Variants in MAGI2 observed in about 807,000 individuals in gnomAD.
MAGI2 encodes membrane-associated guanylate kinase, WW and PDZ domain-containing protein 2.
Under a neutral mutation model 133.3 loss-of-function variants are expected in MAGI2, and 35 were observed. The ratio of observed to expected loss-of-function variants is 0.26; its 90% CI spans 0.20 to 0.35. MAGI2 has a LOEUF of 0.35. Ranked by LOEUF, MAGI2 falls within the 10% of genes least tolerant of loss-of-function variation. MAGI2 has a pLI of 1.00. For missense variants in MAGI2, 1,636 were observed against 1,863.4 expected, an observed-to-expected ratio of 0.88 and a Z score of 2.25; for synonymous variants, 729 against 710.6, an observed-to-expected ratio of 1.03 and a Z score of -0.41.
intron 11 of MAGI2, among the ~76,000 whole-genome samples, chr7:78,199,779 A>G (rs1829069811): frequency 6.6e-6 from 1 of 152,242 alleles, no homozygotes. Flanking sequence ...TGAGTTCTAT[A>G]AAACAATTTT....
intron 1 of MAGI2, among the ~76,000 whole-genome samples, chr7:79,143,238 G>A (rs1332756509): frequency 6.6e-6 from 1 of 152,130 alleles, no homozygotes; most frequent in Admixed American, 6.6e-5. Context: ...TAGGCATAGA[G>A]TAACTTAGAT....
intron 2 of MAGI2, among the ~76,000 whole-genome samples, chr7:78,741,272 G>C (rs1005030719): frequency 6.6e-6 from 1 of 151,742 alleles, no homozygotes; most frequent in East Asian, 1.9e-4. Flanking sequence ...AACGTAATGA[G>C]AGTGAGGTGA....
chr7:79,052,190 G>A (rs1260742117), intron 1 of MAGI2, among the ~76,000 whole-genome samples: 3 of 152,094 alleles, frequency 2.0e-5, no homozygotes, highest in Non-Finnish European at 4.4e-5. Context: ...GAAGAGCAGA[G>A]ATGACTCAGC....
chr7:78,479,213 C>T (rs1305161545), intron 6 of MAGI2, among the ~76,000 whole-genome samples: 2 of 151,944 alleles, frequency 1.3e-5, no homozygotes, highest in African/African-American at 4.8e-5. Flanking sequence ...TGAAGTATTA[C>T]CTTGGGAATT....
At chr7:78,312,353 C>T (rs1490500080) in intron 9 of MAGI2, among the ~76,000 whole-genome samples, 2 of 152,100 alleles carry the variant, frequency 1.3e-5, no homozygotes, top group Admixed American at 6.6e-5. Flanking sequence ...GTAGCAGAGA[C>T]ATCCAGTTCT....
chr7:78,235,770 C>A (rs897646504), intron 10 of MAGI2, among the ~76,000 whole-genome samples: 2 of 152,016 alleles, frequency 1.3e-5, no homozygotes, highest in Non-Finnish European at 2.9e-5. Context: ...CAACTCCTTT[C>A]TTCTGGATCC....
At chr7:78,990,642 A>T (rs1481623459) in intron 2 of MAGI2, among the ~76,000 whole-genome samples, 2 of 152,046 alleles carry the variant, frequency 1.3e-5, no homozygotes, top group Non-Finnish European at 2.9e-5. Context: ...CACTATTTTG[A>T]AAAAAATAAT....
chr7:78,114,705 G>T (rs1362853304), intron 20 of MAGI2, among the ~76,000 whole-genome samples: 1 of 152,144 alleles, frequency 6.6e-6, no homozygotes, highest in Non-Finnish European at 1.5e-5. Flanking sequence ...GTGCATGAGG[G>T]AGCCCTAGGG....
intron 1 of MAGI2, among the ~76,000 whole-genome samples, chr7:79,188,592 A>G (rs571970119): frequency 9.2e-5 from 14 of 151,884 alleles, no homozygotes; most frequent in Admixed American, 9.2e-4. Flanking sequence ...ACATATGCAT[A>G]AGCACCCAAT....
At chr7:79,092,459 T>C (rs1477941959) in intron 1 of MAGI2, among the ~76,000 whole-genome samples, 3 of 152,140 alleles carry the variant, frequency 2.0e-5, no homozygotes, top group African/African-American at 7.2e-5. Context: ...AACAAACCTA[T>C]AGAAATGATT....
In MAGI2 at chr7:78,529,667, G is replaced by GTTTT. The variant is rs1563128653; in HGVS notation, c.539-8023_539-8022insAAAA. Among the ~76,000 whole-genome samples, 46 of 56,328 alleles carry GTTTT rather than the reference G, an allele frequency of 8.2e-4. 2 individuals are homozygous for GTTTT. Among genetic ancestry groups the GTTTT allele is most frequent in the South Asian group, 3.6e-3 (5 of 1,390 alleles). The allele number at this position is 56,328 out of a possible 152,430, so 37.0% of individuals were successfully genotyped here. On this transcript the variant is annotated intron_variant, in intron 3 of 21. Transcript: ENST00000354212. ...TTTTCTTTTCCTTGCTAAAGGAGAT[G>GTTTT]GTTTTTTTTTTTTTTTTTTTTTTTT... is the stretch of plus-strand genomic sequence containing the variant.
At position 79,394,581 on chromosome 7, in the gene MAGI2, T is replaced by C. The variant is rs183969986; in HGVS notation, c.301+58439A>G. On this transcript the variant is annotated intron_variant, in intron 1 of 21. Coordinates refer to ENST00000354212, the MANE Select transcript of MAGI2 (RefSeq NM_012301.4). ...AAACAGTTCTCATTGTACAATGAAATTATAAATTAGGTGTTTCAAAGAGCT... is the reference window on the plus strand; with the variant it reads ...AAACAGTTCTCATTGTACAATGAAACTATAAATTAGGTGTTTCAAAGAGCT... Among the ~76,000 whole-genome samples the C allele has an allele frequency of 5.3e-5, 8 of 152,240 alleles. No homozygotes were observed. In the East Asian group the frequency reaches 1.5e-3, roughly 29 times the overall value.
chr7:78,654,746 TATAG>T lies in MAGI2; in HGVS notation c.419-27511_419-27508del, dbSNP rs1401753445. Among the ~76,000 whole-genome samples the T allele has an allele frequency of 4.4e-3, 440 of 98,916 alleles. 7 individuals are homozygous for T. Among genetic ancestry groups the T allele is most frequent in the East Asian group, 0.017 (61 of 3,540 alleles). 64.9% of individuals were successfully genotyped at this position (98,916 alleles called of 152,430 possible). On this transcript the variant is annotated intron_variant, in intron 2 of 21. Transcript: ENST00000354212. ...ATATATATATATATATATATATATA[TATAG>T]CATATATTTTGCATCGCAACTGGAA...
chr7:78,758,987 T>A (rs1824225016), intron 2 of MAGI2, among the ~76,000 whole-genome samples: 1 of 152,150 alleles, frequency 6.6e-6, no homozygotes, highest in Non-Finnish European at 1.5e-5. Context: ...CCTAAATATA[T>A]CTTTATCTTC....
At position 78,506,142 on chromosome 7, in the gene MAGI2, T is replaced by C. The variant is rs193058225; in HGVS notation, c.755-4355A>G. On this transcript the variant is annotated intron_variant, in intron 4 of 21. Transcript: ENST00000354212. ...ATGTTTATAGAGCAGTGGAAAGTTA[T>C]TTTTGTGCTCTCAAAAAGTAATGAT... 1.0e-3 allele frequency among the ~76,000 whole-genome samples: 157 copies of C among 152,310 alleles called. 3 individuals carry two copies. Among genetic ancestry groups the C allele is most frequent in the Admixed American group, 9.9e-3 (151 of 15,302 alleles).
At chr7:79,167,921 G>C (rs974466909) in intron 1 of MAGI2, among the ~76,000 whole-genome samples, 1 of 152,066 alleles carries the variant, frequency 6.6e-6, no homozygotes, top group African/African-American at 2.4e-5. Flanking sequence ...GGAACACCCG[G>C]CCTGCCCAGG....
chr7:78,530,931 A>G (rs6466265), intron 3 of MAGI2, among the ~76,000 whole-genome samples: 33,542 of 152,008 alleles, frequency 0.22, 4,080 homozygotes, highest in African/African-American at 0.3. Flanking sequence ...AATTTGGGAA[A>G]TAACTAGTCA....
chr7:79,383,848 A>G (rs567171672), intron 1 of MAGI2, among the ~76,000 whole-genome samples: 2 of 151,692 alleles, frequency 1.3e-5, no homozygotes, highest in Non-Finnish European at 3.0e-5. Context: ...GAAAGTTGAC[A>G]TAATTTCAAA....
intron 1 of MAGI2, among the ~76,000 whole-genome samples, chr7:79,438,516 T>C (rs1055078855): frequency 1.3e-5 from 2 of 152,230 alleles, no homozygotes; most frequent in Admixed American, 6.5e-5. Context: ...TTCTCAAAGA[T>C]AGCAATTTTC....
Sources: allele counts gnomAD v4.1 joint callset (sites outside exome capture counted in the v4.1 genomes callset), GRCh38; gene constraint gnomAD v4.1.1; transcripts MANE v1.5; gene names NCBI Gene and HGNC (gene_info 2026-07-23, HGNC 2026-07-21).